The following SORCS1 variants were observed in gnomAD, a reference collection of about 807,000 sequenced individuals.
SORCS1 encodes VPS10 domain-containing receptor SorCS1.
SORCS1 carries 60 observed loss-of-function variants against 146.1 expected under a neutral mutation model. The ratio of observed to expected loss-of-function variants is 0.41; its 90% CI spans 0.33 to 0.51. The LOEUF (loss-of-function observed/expected upper bound fraction) is 0.51. Ranked by LOEUF, SORCS1 falls within the 20% of genes least tolerant of loss-of-function variation. The pLI is 0.21. For missense variants in SORCS1, 1,352 were observed against 1,487.6 expected (o/e 0.91, Z 1.50); for synonymous variants, 637 against 584.0 (o/e 1.09, Z -1.31).
upstream of SORCS1, among the ~76,000 whole-genome samples, chr10:107,167,359 T>G (rs555754884): frequency 6.6e-6 from 1 of 152,296 alleles, no homozygotes; most frequent in Non-Finnish European, 1.5e-5. Context: ...TCCAATAGAT[T>G]TTTATTAATA....
In SORCS1 at chr10:106,679,531, A is replaced by G. The variant is rs1852283615; in HGVS notation, c.1663+101T>C. On this transcript the variant is annotated intron_variant, in intron 11 of 25. Coordinates refer to ENST00000263054, the MANE Select transcript of SORCS1 (RefSeq NM_052918.5). ...TTAGCTTGCTCATTAAGTTCCAAGT[A>G]CAGATATCTAGCTTCTTAAAATAAA... 4.4e-6 allele frequency: 5 copies of G among 1,125,114 alleles called. No individual in the cohort carries two copies. The South Asian group carries it at 7.2e-5, about 16-fold the overall frequency. 69.7% of individuals were successfully genotyped at this position (1,125,114 alleles called of 1,614,324 possible). A position where few individuals can be genotyped will look rare whatever the true frequency, so the allele number is the denominator to read the frequency against.
At chr10:106,957,089 C>T (rs1446988977) in intron 1 of SORCS1, among the ~76,000 whole-genome samples, 1 of 151,722 alleles carries the variant, frequency 6.6e-6, no homozygotes, top group East Asian at 1.9e-4. Context: ...ATGCTATCTC[C>T]CAAAAGAATT....
intron 2 of SORCS1, among the ~76,000 whole-genome samples, chr10:106,895,881 GATGA>G (rs572454313): frequency 3.3e-5 from 5 of 152,022 alleles, no homozygotes; most frequent in Non-Finnish European, 5.9e-5. Context: ...ACTACTCACT[GATGA>G]ATGGACAAAA....
At chr10:106,664,199 C>T (rs147466812) in intron 17 of SORCS1, among the ~76,000 whole-genome samples, 2 of 152,150 alleles carry the variant, frequency 1.3e-5, no homozygotes, top group Admixed American at 6.5e-5. Context: ...ACTGCATTGA[C>T]CAACATTTAT....
chr10:106,942,609 G>T (rs993634402), intron 2 of SORCS1, among the ~76,000 whole-genome samples: 3 of 152,090 alleles, frequency 2.0e-5, no homozygotes, highest in Admixed American at 2.0e-4. Flanking sequence ...CAACCAAATG[G>T]CAGGACACCC....
At chr10:106,894,818 G>A (rs1182555856) in intron 2 of SORCS1, among the ~76,000 whole-genome samples, 1 of 152,218 alleles carries the variant, frequency 6.6e-6, no homozygotes, top group Non-Finnish European at 1.5e-5. Context: ...AAGAAAGCCA[G>A]GAGTTCTGGC....
chr10:106,777,886 T>G (rs1860574978), intron 3 of SORCS1, among the ~76,000 whole-genome samples: 1 of 152,150 alleles, frequency 6.6e-6, no homozygotes, highest in Non-Finnish European at 1.5e-5. Flanking sequence ...CTGAATTTGG[T>G]TCAGGGAAGC....
At chr10:107,012,193 T>C (rs374346426) in intron 1 of SORCS1, among the ~76,000 whole-genome samples, 1 of 152,202 alleles carries the variant, frequency 6.6e-6, no homozygotes, top group Non-Finnish European at 1.5e-5. Flanking sequence ...ATTTTCCAAG[T>C]TGTGGTTTAG....
At chr10:106,695,431 C>T (rs2135709866) in intron 9 of SORCS1, among the ~76,000 whole-genome samples, 1 of 152,306 alleles carries the variant, frequency 6.6e-6, no homozygotes, top group South Asian at 2.1e-4. Context: ...CAAATACAAG[C>T]CCAGATGCTG....
chr10:107,168,364 G>A (rs149113597), upstream of SORCS1, among the ~76,000 whole-genome samples: 55 of 152,172 alleles, frequency 3.6e-4, no homozygotes, highest in East Asian at 9.1e-3. Context: ...CTTTCTAAGC[G>A]TATATTACAG....
At chr10:106,714,078 G>A (rs1265061358) in intron 6 of SORCS1, among the ~76,000 whole-genome samples, 1 of 117,508 alleles carries the variant, frequency 8.5e-6, no homozygotes, top group African/African-American at 3.2e-5. Flanking sequence ...GGAGATTGCA[G>A]TAAGCTGGGA....
chr10:106,581,175 C>A (rs1844883688), intron 24 of SORCS1, among the ~76,000 whole-genome samples: 1 of 152,146 alleles, frequency 6.6e-6, no homozygotes, highest in African/African-American at 2.4e-5. Context: ...GACATTATCA[C>A]AATTGATTTT....
the SORCS1 span, among the ~76,000 whole-genome samples, chr10:107,175,863 A>G: frequency 6.6e-6 from 1 of 152,142 alleles, no homozygotes; most frequent in Non-Finnish European, 1.5e-5. Flanking sequence ...TCATTTTGCT[A>G]TCTGTTAGAT....
At chr10:106,998,287 CA>C (rs1345028427) in intron 1 of SORCS1, among the ~76,000 whole-genome samples, 1 of 152,212 alleles carries the variant, frequency 6.6e-6, no homozygotes, top group East Asian at 1.9e-4. Context: ...TTTGCAGTGT[CA>C]AAATAACAGC....
chr10:107,092,290 G>C (rs1964238794), intron 1 of SORCS1, among the ~76,000 whole-genome samples: 1 of 152,204 alleles, frequency 6.6e-6, no homozygotes, highest in South Asian at 2.1e-4. Flanking sequence ...TTCAGGAGCT[G>C]ATGTTGCCCA....
intron 2 of SORCS1, among the ~76,000 whole-genome samples, chr10:106,926,575 C>A (rs548148026): frequency 2.6e-5 from 4 of 152,104 alleles, no homozygotes; most frequent in African/African-American, 9.6e-5. Context: ...CATAAAACTG[C>A]CATTTTTATA....
At chr10:106,578,185 G>A (rs987773949) in intron 25 of SORCS1, 2 of 152,172 alleles carry the variant, frequency 1.3e-5, no homozygotes, top group African/African-American at 4.8e-5. Flanking sequence ...AATGCCAACA[G>A]ACAGGAGGAA....
At chr10:106,678,622 A>C (rs1412258472) in intron 12 of SORCS1, among the ~76,000 whole-genome samples, 1 of 152,212 alleles carries the variant, frequency 6.6e-6, no homozygotes, top group Non-Finnish European at 1.5e-5. Flanking sequence ...TCTTGTTAAG[A>C]TTGCTAAACC....
chr10:106,769,669 A>C (rs1449972884), intron 4 of SORCS1, among the ~76,000 whole-genome samples: 1 of 152,170 alleles, frequency 6.6e-6, no homozygotes, highest in Non-Finnish European at 1.5e-5. Context: ...AATAAAATTC[A>C]CTTTTATGCA....
Sources: allele counts gnomAD v4.1 joint callset (sites outside exome capture counted in the v4.1 genomes callset), GRCh38; gene constraint gnomAD v4.1.1; transcripts MANE v1.5; gene names NCBI Gene and HGNC (gene_info 2026-07-23, HGNC 2026-07-21).